The following SSH2 variants were observed in gnomAD, a reference collection of about 807,000 sequenced individuals.
SSH2 encodes slingshot protein phosphatase 2, also known as protein phosphatase Slingshot homolog 2.
In SSH2, 37 loss-of-function variants were observed where a neutral mutation model predicts 135.2. The ratio of observed to expected loss-of-function variants is 0.27; its 90% confidence interval spans 0.21 to 0.36. The LOEUF is 0.36. Among genes scored for constraint, SSH2 ranks in the 10% least tolerant of loss-of-function variants. SSH2 has a pLI of 1.00. For synonymous variants in SSH2, 628 were observed against 646.2 expected (o/e 0.97, Z 0.43); for missense variants, 1,408 against 1,765.3 (o/e 0.80, Z 3.63).
chr17:29,797,805 T>C lies in SSH2; in HGVS notation c.145-3868A>G, dbSNP rs141552505. On this transcript the variant is annotated intron_variant, in intron 2 of 15. Coordinates refer to ENST00000540801, the MANE Select transcript of SSH2 (RefSeq NM_001282129.2). ...CTGGAGGCTGAGGTGGGAGGATCGGTTGAGTCCAGAAGTTTGAAGTTGCAG... is the reference window on the plus strand; with the variant it reads ...CTGGAGGCTGAGGTGGGAGGATCGGCTGAGTCCAGAAGTTTGAAGTTGCAG... 6.1e-3 allele frequency among the ~76,000 whole-genome samples: 932 copies of C among 152,312 alleles called. 12 individuals are homozygous for C. Among genetic ancestry groups the C allele is most frequent in the African/African-American group, 0.021 (880 of 41,560 alleles).
chr17:29,791,817 T>G (rs1296547578), intron 3 of SSH2, among the ~76,000 whole-genome samples: 1 of 152,162 alleles, frequency 6.6e-6, no homozygotes, highest in Non-Finnish European at 1.5e-5. Context: ...TAAGTAATCC[T>G]CTTGTGAATA....
intron 3 of SSH2, among the ~76,000 whole-genome samples, chr17:29,749,789 T>G (rs2040871911): frequency 6.6e-6 from 1 of 152,202 alleles, no homozygotes; most frequent in Admixed American, 6.5e-5. Context: ...TACAGTGGCA[T>G]GATCTCGGCT....
At position 29,635,985 on chromosome 17, in the gene SSH2, C is replaced by A; in HGVS notation, c.2245G>T (p.Asp749Tyr). 2 of 1,611,530 alleles carry A rather than the reference C, an allele frequency of 1.2e-6. No homozygotes were observed. Among genetic ancestry groups the A allele is most frequent in the Non-Finnish European group, 1.7e-6 (2 of 1,177,916 alleles). Residue 749 changes from aspartate to tyrosine, a missense_variant, in exon 15 of 16, where the codon GAT becomes TAT. Physicochemically the swap from Asp to Tyr is radical, Grantham distance 160. Transcript: ENST00000540801. Reference sequence around the variant, plus strand: ...GTTTTTACCTTTGACTGTTCCTCATCCATTGAAGATTCTTCTGATGCATGG... The same window carrying A: ...GTTTTTACCTTTGACTGTTCCTCATACATTGAAGATTCTTCTGATGCATGG... ...TPHASEESSMDEEQSKAISEL... is the reference protein window; with the variant it reads ...TPHASEESSMYEEQSKAISEL...
intron 1 of SSH2, among the ~76,000 whole-genome samples, chr17:29,870,725 C>T (rs2065924860): frequency 6.6e-6 from 1 of 152,174 alleles, no homozygotes; most frequent in Non-Finnish European, 1.5e-5. Flanking sequence ...AATCTAAAAT[C>T]TGTACATGAA....
At chr17:29,925,927 A>G (rs2067055517) in intron 1 of SSH2, among the ~76,000 whole-genome samples, 1 of 152,204 alleles carries the variant, frequency 6.6e-6, no homozygotes, top group East Asian at 1.9e-4. Context: ...AAAAAAGAAA[A>G]TTTATACCAG....
At chr17:29,685,658 G>A (rs1292155195) in intron 5 of SSH2, among the ~76,000 whole-genome samples, 2 of 151,338 alleles carry the variant, frequency 1.3e-5, no homozygotes, top group African/African-American at 4.9e-5. Context: ...GCGTGGTGGC[G>A]CACGCCTGTA....
intron 4 of SSH2, among the ~76,000 whole-genome samples, chr17:29,701,404 CTTTTTTTTTT>C (rs55721735): frequency 1.1e-5 from 1 of 90,338 alleles, no homozygotes; most frequent in Admixed American, 1.3e-4. Context: ...GTGCCTGGCT[CTTTTTTTTTT>C]TTTTTTTTTT....
chr17:29,816,736 A>C (rs1003099894), intron 2 of SSH2, among the ~76,000 whole-genome samples: 13 of 151,924 alleles, frequency 8.6e-5, no homozygotes, highest in Admixed American at 2.0e-4. Context: ...TGCTTAATTT[A>C]CGGAAATGAA....
intron 15 of SSH2, among the ~76,000 whole-genome samples, chr17:29,634,655 C>T (rs991821696): frequency 4.6e-5 from 7 of 152,268 alleles, no homozygotes; most frequent in Middle Eastern, 3.4e-3. Context: ...CGGGTTCAAG[C>T]GATTCTCCTG....
At chr17:29,846,982 TG>T (rs1196298059) in intron 2 of SSH2, among the ~76,000 whole-genome samples, 1 of 152,194 alleles carries the variant, frequency 6.6e-6, no homozygotes, top group African/African-American at 2.4e-5. Flanking sequence ...AATACAGTTT[TG>T]AAATGTGTTA....
chr17:29,802,618 C>CAAAAAAAAAAAAAAAAAAAAGAAAAAAA (rs2042270464), intron 2 of SSH2, among the ~76,000 whole-genome samples: 1 of 57,384 alleles, frequency 1.7e-5, no homozygotes, highest in Non-Finnish European at 3.5e-5. Context: ...ACTGTTTCTA[C>CAAAAAAAAAAAAAAAAAAAAGAAAAAAA]AAAAAAAAAA....
At chr17:29,785,491 A>ATTTTTTTTTTTTTTTTTTTTTTTTT (rs34346245) in intron 3 of SSH2, among the ~76,000 whole-genome samples, 1 of 78,496 alleles carries the variant, frequency 1.3e-5, no homozygotes, top group Non-Finnish European at 2.3e-5. Context: ...TTGGCGTTTC[A>ATTTTTTTTTTTTTTTTTTTTTTTTT]TTTTTTTTTT....
intron 3 of SSH2, among the ~76,000 whole-genome samples, chr17:29,753,923 T>A (rs2041034134): frequency 6.6e-6 from 1 of 152,108 alleles, no homozygotes; most frequent in African/African-American, 2.4e-5. Flanking sequence ...TCTAAAGAAA[T>A]GTTTACATAT....
At chr17:29,747,924 T>C (rs2040814776) in intron 3 of SSH2, among the ~76,000 whole-genome samples, 1 of 152,246 alleles carries the variant, frequency 6.6e-6, no homozygotes, top group African/African-American at 2.4e-5. Flanking sequence ...ACATCTTTAG[T>C]TATTTGGCTT....
intron 3 of SSH2, among the ~76,000 whole-genome samples, chr17:29,721,202 A>G (rs1249936562): frequency 6.6e-6 from 1 of 152,236 alleles, no homozygotes. Context: ...GGGTTTAGAA[A>G]AAGAGGAAAA....
chr17:29,714,154 G>A (rs1259617031), intron 3 of SSH2, among the ~76,000 whole-genome samples: 2 of 151,944 alleles, frequency 1.3e-5, no homozygotes, highest in Non-Finnish European at 2.9e-5. Flanking sequence ...TAAATGACCT[G>A]AAAAGTTCTT....
intron 1 of SSH2, among the ~76,000 whole-genome samples, chr17:29,917,281 GC>G (rs1293306349): frequency 1.3e-5 from 2 of 152,128 alleles, no homozygotes; most frequent in African/African-American, 4.8e-5. Flanking sequence ...ATCTCATTTT[GC>G]TAACTGCAAA....
At chr17:29,756,319 G>A (rs1307420926) in intron 3 of SSH2, among the ~76,000 whole-genome samples, 1 of 150,822 alleles carries the variant, frequency 6.6e-6, no homozygotes, top group Non-Finnish European at 1.5e-5. Flanking sequence ...TGCCCAAGCT[G>A]GAGTGCAATG....
intron 13 of SSH2, among the ~76,000 whole-genome samples, chr17:29,649,294 G>C (rs1470479266): frequency 4.6e-5 from 7 of 152,040 alleles, no homozygotes; most frequent in Non-Finnish European, 8.8e-5. Flanking sequence ...CTAATCCTAA[G>C]TAAAATTAGC....
Sources: gnomAD v4.1 joint callset for allele counts (sites outside exome capture counted in the v4.1 genomes callset) on GRCh38, gnomAD v4.1.1 for gene constraint, MANE v1.5 for transcripts, NCBI Gene and HGNC (gene_info 2026-07-23, HGNC 2026-07-21) for gene names.